ZNF536: variants seen among roughly 807,000 people sequenced by gnomAD.
The protein encoded by ZNF536 is zinc finger protein 536.
A neutral mutation model predicts 84.5 loss-of-function variants in ZNF536; 13 were observed. The observed-to-expected ratio is 0.15, with a 90% CI of 0.10 to 0.24. The LOEUF (loss-of-function observed/expected upper bound fraction) is 0.24, where lower values mean the gene tolerates loss of function less well. Ranked by LOEUF, ZNF536 falls within the 10% of genes least tolerant of loss-of-function variation. The pLI is 1.00. For synonymous variants in ZNF536, 811 were observed against 742.5 expected (o/e 1.09, Z -1.50); for missense variants, 1,536 against 1,747.5 (o/e 0.88, Z 2.16).
At position 30,353,528 on chromosome 19, in the gene ZNF536, C is replaced by G. The variant is rs575657195; in HGVS notation, c.-3+1044C>G. ...TCGCTTCCATCAGTGGATGAGCAGCCCCCCCCTGGCACCGGTGACTTCTCA... is the reference window on the plus strand; with the variant it reads ...TCGCTTCCATCAGTGGATGAGCAGCGCCCCCCTGGCACCGGTGACTTCTCA... On this transcript the variant is annotated intron_variant, in intron 3 of 5. Coordinates refer to the ZNF536 transcript ENST00000585628. 1.1e-3 allele frequency among the ~76,000 whole-genome samples: 162 copies of G among 151,642 alleles called. 1 individual carries two copies. The highest frequency in any genetic ancestry group is 3.5e-3 in the African/African-American group (143 of 41,214).
chr19:30,522,252 GATATATATAC>G (rs1340715870), intron 2 of ZNF536, among the ~76,000 whole-genome samples: 1 of 44,412 alleles, frequency 2.3e-5, no homozygotes, highest in African/African-American at 1.3e-4. Flanking sequence ...GGCAGAGCTG[GATATATATAC>G]ATATATATAT....
chr19:30,379,207 G>A (rs1338162039), intron 1 of ZNF536, among the ~76,000 whole-genome samples: 1 of 152,216 alleles, frequency 6.6e-6, no homozygotes, highest in Non-Finnish European at 1.5e-5. Context: ...GAAGGTTTGA[G>A]TAAGGCATCC....
At chr19:30,283,681 G>T (rs972678440) in intron 1 of ZNF536, among the ~76,000 whole-genome samples, 3 of 152,018 alleles carry the variant, frequency 2.0e-5, no homozygotes. Flanking sequence ...GGACCCTTGG[G>T]TACTTCTTCA....
intron 2 of ZNF536, among the ~76,000 whole-genome samples, chr19:30,507,506 C>CAA (rs1410394528): frequency 6.6e-6 from 1 of 151,828 alleles, no homozygotes; most frequent in Non-Finnish European, 1.5e-5. Context: ...TTTTTAAAAG[C>CAA]AAACAAAAAA....
intron 1 of ZNF536, among the ~76,000 whole-genome samples, chr19:30,261,972 A>G (rs959299064): frequency 3.3e-5 from 5 of 152,130 alleles, no homozygotes; most frequent in African/African-American, 7.2e-5. Flanking sequence ...CCCTCTTCAC[A>G]TCTCAGGCTG....
chr19:30,631,113 G>A (rs954074092), intron 1 of ZNF536, among the ~76,000 whole-genome samples: 5 of 152,152 alleles, frequency 3.3e-5, no homozygotes, highest in African/African-American at 9.7e-5. Context: ...GGGCACTCCC[G>A]ACCGGCTCTC....
At chr19:30,536,544 C>T (rs2045089912) in intron 3 of ZNF536, among the ~76,000 whole-genome samples, 1 of 152,214 alleles carries the variant, frequency 6.6e-6, no homozygotes, top group South Asian at 2.1e-4. Context: ...TCTATAACCC[C>T]AGGGTCTGCA....
At chr19:30,463,247 T>C (rs2053237529) in intron 2 of ZNF536, among the ~76,000 whole-genome samples, 1 of 152,102 alleles carries the variant, frequency 6.6e-6, no homozygotes, top group Non-Finnish European at 1.5e-5. Flanking sequence ...AGAGGAGAGG[T>C]ATCTGGGTTC....
chr19:30,482,476 A>G (rs2866972), intron 2 of ZNF536, among the ~76,000 whole-genome samples: 41,699 of 151,598 alleles, frequency 0.28, 8,475 homozygotes, highest in African/African-American at 0.57. Flanking sequence ...ACCCCAACCT[A>G]CCTAGCCTCA....
chr19:30,566,202 A>C (rs374825778), intron 1 of ZNF536, among the ~76,000 whole-genome samples: 2 of 152,186 alleles, frequency 1.3e-5, no homozygotes, highest in South Asian at 2.1e-4. Context: ...GGGGTCACCC[A>C]GAAATCAGTT....
At chr19:30,618,228 A>G (rs1021904770) in intron 1 of ZNF536, among the ~76,000 whole-genome samples, 23 of 152,154 alleles carry the variant, frequency 1.5e-4, no homozygotes, top group African/African-American at 5.5e-4. Flanking sequence ...TGTTCAATTG[A>G]TTGTTATGAA....
intron 1 of ZNF536, among the ~76,000 whole-genome samples, chr19:30,630,653 C>G (rs901617028): frequency 1.3e-5 from 2 of 152,182 alleles, no homozygotes; most frequent in African/African-American, 4.8e-5. Context: ...CTTGGCACAG[C>G]CGACCTCCCT....
At chr19:30,553,720 T>A (rs979866455) in intron 4 of ZNF536, among the ~76,000 whole-genome samples, 2 of 152,186 alleles carry the variant, frequency 1.3e-5, no homozygotes, top group African/African-American at 2.4e-5. Flanking sequence ...ATCCCAGCAC[T>A]CTGGGAGGCT....
chr19:30,453,375 G>A (rs192684959), intron 2 of ZNF536, among the ~76,000 whole-genome samples: 1 of 152,178 alleles, frequency 6.6e-6, no homozygotes, highest in African/African-American at 2.4e-5. Context: ...AGCCAGGTCT[G>A]GTTTAGGTTT....
chr19:30,412,719 A>G (rs2147724791), intron 1 of ZNF536, among the ~76,000 whole-genome samples: 1 of 150,904 alleles, frequency 6.6e-6, no homozygotes, highest in Non-Finnish European at 1.5e-5. Flanking sequence ...TTTTTGTCTT[A>G]TATGCTATAT....
intron 2 of ZNF536, among the ~76,000 whole-genome samples, chr19:30,321,997 A>T (rs186821805): frequency 2.1e-3 from 317 of 152,148 alleles, no homozygotes; most frequent in African/African-American, 7.3e-3. Flanking sequence ...GCAGGTCTCG[A>T]ACTCCTGATC....
At chr19:30,324,466 T>C (rs1342357713) in intron 2 of ZNF536, among the ~76,000 whole-genome samples, 1 of 152,238 alleles carries the variant, frequency 6.6e-6, no homozygotes, top group East Asian at 1.9e-4. Flanking sequence ...CTCTGCAGTC[T>C]TGACCTCCCA....
intron 1 of ZNF536, among the ~76,000 whole-genome samples, chr19:30,263,865 A>AACAC (rs573908568): frequency 0.011 from 1,498 of 133,402 alleles, 13 homozygotes; most frequent in Admixed American, 0.016. Flanking sequence ...CTGAAATTTA[A>AACAC]ACACACACAC....
chr19:30,230,431 G>T (rs1242942876), intron 1 of ZNF536, among the ~76,000 whole-genome samples: 1 of 152,188 alleles, frequency 6.6e-6, no homozygotes, highest in Admixed American at 6.5e-5. Context: ...AGCCCATCTT[G>T]TTCTGTGCCT....
Sources: gnomAD v4.1 joint callset for allele counts (sites outside exome capture counted in the v4.1 genomes callset) on GRCh38, gnomAD v4.1.1 for gene constraint, MANE v1.5 for transcripts, NCBI Gene and HGNC (gene_info 2026-07-23, HGNC 2026-07-21) for gene names.